The following ABCC2 variants were observed in gnomAD, a reference collection of about 807,000 sequenced individuals.
The protein encoded by ABCC2 is ATP binding cassette subfamily C member 2, also known as ATP-binding cassette sub-family C member 2.
ABCC2 carries 157 observed loss-of-function variants against 173.4 expected under a neutral mutation model. That is an observed-to-expected ratio of 0.91 (90% CI 0.80 to 1.03). The LOEUF (loss-of-function observed/expected upper bound fraction) is 1.03, where lower values mean the gene tolerates loss of function less well. ABCC2 is among the 50% of genes least tolerant of loss of function. ABCC2 has a pLI of 0.00. For missense variants in ABCC2, 1,822 were observed against 1,852.3 expected (o/e 0.98, Z 0.30); for synonymous variants, 657 against 693.5 (o/e 0.95, Z 0.83).
chr10:99,813,229 A>G (rs914066552), intron 16 of ABCC2, 85 bp downstream of exon 16: 2 of 1,516,190 alleles, frequency 1.3e-6, no homozygotes. Context: ...GAAGGCACTG[A>G]GGGCTAGTAG....
At chr10:99,831,532 C>G in intron 21 of ABCC2, 79 bp from the exon 22 acceptor site, 1 of 1,425,782 alleles carries the variant, frequency 7.0e-7, no homozygotes, top group Non-Finnish European at 9.9e-7. Flanking sequence ...TCCACTTCTC[C>G]TTGTGGTTGG....
In ABCC2 at chr10:99,792,332, C is replaced by T; in HGVS notation, c.306C>T (p.Thr102=). 1 of 1,614,096 alleles carries T rather than the reference C, an allele frequency of 6.2e-7. No homozygotes were observed. Among genetic ancestry groups the T allele is most frequent in the South Asian group, 1.1e-5 (1 of 91,084 alleles). Residue 102 remains threonine, a synonymous_variant, in exon 3 of 32, where the codon ACC becomes ACT. Coordinates refer to ENST00000647814, the MANE Select transcript of ABCC2 (RefSeq NM_000392.5). The part of the protein sequence containing the change: ...GQATVPAVRY[T]NPSLYLGTWL... ...CCACAGTCCCTGCTGTTCGATATAC[C>T]AATCCAAGCCTCTACCTAGGCACAT...
intron 28 of ABCC2, 79 bp from the exon 29 acceptor site, chr10:99,845,545 G>T: frequency 6.4e-7 from 1 of 1,566,322 alleles, no homozygotes; most frequent in South Asian, 1.1e-5. Context: ...TACCTCCTGT[G>T]ACTGTGAATG....
chr10:99,814,379 A>ACG (rs2038317960), intron 16 of ABCC2, among the ~76,000 whole-genome samples: 7 of 22,488 alleles, frequency 3.1e-4, no homozygotes, highest in African/African-American at 5.5e-4. Flanking sequence ...ATATATACAC[A>ACG]TATATACATA....
rs1478503879 is a variant in ABCC2, at chr10:99,830,877, T to C, written c.2883+26T>C. ...GTGAACACCACACAGAAAAGTAGCATTTGAGGTGTTATAAGGTTTAGAACC... is the reference window on the plus strand; with the variant it reads ...GTGAACACCACACAGAAAAGTAGCACTTGAGGTGTTATAAGGTTTAGAACC... On this transcript the variant is annotated intron_variant, in intron 21 of 31. Coordinates refer to ENST00000647814, the MANE Select transcript of ABCC2 (RefSeq NM_000392.5). 6 of 1,613,262 alleles carry C rather than the reference T, an allele frequency of 3.7e-6. No individual in the cohort carries two copies. The African/African-American group carries it at 5.3e-5, about 14-fold the overall frequency.
chr10:99,810,073 ATC>A, intron 13 of ABCC2, 59 bp from the exon 14 acceptor site: 6 of 1,503,800 alleles, frequency 4.0e-6, no homozygotes, highest in Non-Finnish European at 5.6e-6. Context: ...CAAAGTCAAA[ATC>A]TCTCTGCTTG....
In ABCC2 at chr10:99,810,145, C is replaced by T. The variant is rs758570496; in HGVS notation, c.1827C>T (p.Ser609=). 5 of 1,613,340 alleles carry T rather than the reference C, an allele frequency of 3.1e-6. No individual in the cohort carries two copies. In the South Asian group the frequency reaches 5.5e-5, roughly 18 times the overall value. The change falls in exon 14 of 32, where the codon TCC becomes TCT. Residue 609 remains serine, a synonymous_variant. Coordinates refer to ENST00000647814, the MANE Select transcript of ABCC2 (RefSeq NM_000392.5). ...MISSMLQASV[S]TERLEKYLGG... is the part of the protein sequence containing the mutation. ...GTGTCCTTCTCTAGGCCAGTGTTTC[C>T]ACAGAGCGGCTAGAGAAGTACTTGG...
At chr10:99,829,071 T>G (rs978613750) in intron 19 of ABCC2, among the ~76,000 whole-genome samples, 6 of 152,102 alleles carry the variant, frequency 3.9e-5, no homozygotes, top group Admixed American at 1.3e-4. Context: ...GCAGCTGCTG[T>G]GATGTTAAAT....
rs778603543 is a variant in ABCC2, at chr10:99,841,981, G to A, written c.3629G>A (p.Arg1210His). Residue 1210 changes from arginine (R) to histidine (H), a missense_variant, in exon 26 of 32, where the codon CGC becomes CAC. Arg to His is a conservative substitution (Grantham distance 29, BLOSUM62 0). Transcript: ENST00000647814. ...WITSNRWLAIRLELVGNLTVF... is the reference protein window; with the variant it reads ...WITSNRWLAIHLELVGNLTVF... ...TTGCCCCACAGGTGGCTTGCAATTC[G>A]CCTGGAGCTGGTTGGGAACCTGACT... 40 of 1,614,132 alleles carry A rather than the reference G, an allele frequency of 2.5e-5. No individual in the cohort carries two copies. Among genetic ancestry groups the A allele is most frequent in the Admixed American group, 2.2e-4 (13 of 60,020 alleles).
In ABCC2 at chr10:99,784,666, T is replaced by C. The variant is rs1564665958; in HGVS notation, c.92T>C (p.Val31Ala). The C allele has an allele frequency of 6.2e-7, 1 of 1,614,212 alleles. No homozygotes were observed. The highest frequency in any genetic ancestry group is 1.1e-5 in the South Asian group (1 of 91,084). The change falls in exon 2 of 32, where the codon GTT becomes GCT. Residue 31 changes from valine (V) to alanine (A), a missense_variant. Physicochemically the swap from Val to Ala is moderately conservative, Grantham distance 64. Coordinates refer to ENST00000647814, the MANE Select transcript of ABCC2 (RefSeq NM_000392.5). ...CTGCCACTTTGTTTTGAGCAAACTGTTCTGGTGTGGATTCCCTTGGGCTAC... is the reference window on the plus strand; with the variant it reads ...CTGCCACTTTGTTTTGAGCAAACTGCTCTGGTGTGGATTCCCTTGGGCTAC... ...ADLPLCFEQTVLVWIPLGYLW... is the reference protein window; with the variant it reads ...ADLPLCFEQTALVWIPLGYLW...
intron 6 of ABCC2, among the ~76,000 whole-genome samples, chr10:99,794,918 C>T (rs936141388): frequency 2.6e-5 from 4 of 152,322 alleles, no homozygotes; most frequent in African/African-American, 9.6e-5. Context: ...TTAAAACTTA[C>T]AGACCAACTT....
rs1471915301 is a variant in ABCC2 at position 99,784,764 on chromosome 10, C to T, written c.190C>T (p.Leu64Phe). ...GACCAAGAGATCCTCTACCACCAAA[C>T]TCTATCTTGCTAAGCAGGTAAAGTT... ...SRTKRSSTTK[L>F]YLAKQVFVGF... is the part of the protein sequence containing the mutation. The change falls in exon 2 of 32, where the codon CTC becomes TTC. Residue 64 changes from leucine (L) to phenylalanine (F), a missense_variant. Transcript: ENST00000647814. The T allele has an allele frequency of 6.2e-7, 1 of 1,614,142 alleles. No individual in the cohort carries two copies. Among genetic ancestry groups the T allele is most frequent in the South Asian group, 1.1e-5 (1 of 91,078 alleles).
intron 19 of ABCC2, among the ~76,000 whole-genome samples, chr10:99,822,504 G>A (rs146301360): frequency 3.9e-5 from 6 of 152,016 alleles, no homozygotes; most frequent in African/African-American, 7.3e-5. Flanking sequence ...TGTCTAGTGC[G>A]TATCCAAACA....
At chr10:99,798,977 A>G (rs1228842820) in intron 7 of ABCC2, among the ~76,000 whole-genome samples, 2 of 152,142 alleles carry the variant, frequency 1.3e-5, no homozygotes, top group Non-Finnish European at 2.9e-5. Flanking sequence ...TGGGACTCTT[A>G]CCAGCTTAGT....
Position 99,807,372 on chromosome 10 carries a change from T to C in ABCC2, c.1531-12T>C. On this transcript the variant is annotated splice_polypyrimidine_tract_variant and intron_variant, in intron 11 of 31. Coordinates refer to ENST00000647814, the MANE Select transcript of ABCC2 (RefSeq NM_000392.5). ...GCAATCATGTGAGCTGTATTTTTTT[T>C]CAACTTATTAGATCCTGAAATATTT... 1 of 1,614,124 alleles carries C rather than the reference T, an allele frequency of 6.2e-7. No homozygotes were observed. The highest frequency in any genetic ancestry group is 8.5e-7 in the Non-Finnish European group (1 of 1,179,966).
intron 30 of ABCC2, among the ~76,000 whole-genome samples, 188 bp from the exon 31 acceptor site, chr10:99,850,414 A>G (rs1241700800): frequency 6.6e-6 from 1 of 152,222 alleles, no homozygotes; most frequent in African/African-American, 2.4e-5. Flanking sequence ...TGGGTCTTCA[A>G]TTGGGAAAGT....
intron 2 of ABCC2, 70 bp downstream of exon 2, chr10:99,784,851 A>C: frequency 6.4e-7 from 1 of 1,573,384 alleles, no homozygotes; most frequent in Non-Finnish European, 8.7e-7. Flanking sequence ...CTTGGTGGTT[A>C]GTGTTCTCTT....
chr10:99,846,045 G>A (rs2039012165), intron 29 of ABCC2, among the ~76,000 whole-genome samples: 1 of 152,200 alleles, frequency 6.6e-6, no homozygotes, highest in Admixed American at 6.5e-5. Flanking sequence ...ATTCTTTAGC[G>A]TTGCTATAGC....
chr10:99,804,349 T>C (rs780533468), intron 10 of ABCC2, 76 bp downstream of exon 10: 226 of 1,594,294 alleles, frequency 1.4e-4, no homozygotes, highest in Middle Eastern at 2.1e-4. Context: ...ACTCTAATTC[T>C]TAATGGGAGT....
Sources: gnomAD v4.1 joint callset for allele counts (sites outside exome capture counted in the v4.1 genomes callset) on GRCh38, gnomAD v4.1.1 for gene constraint, MANE v1.5 for transcripts, NCBI Gene and HGNC (gene_info 2026-07-23, HGNC 2026-07-21) for gene names.